The following SPAM1 variants were observed in gnomAD, a reference collection of about 807,000 sequenced individuals.
The protein encoded by SPAM1 is sperm adhesion molecule 1, also known as hyaluronidase PH-20.
In SPAM1, 22 loss-of-function variants were observed where a neutral mutation model predicts 29.6. That is an observed-to-expected ratio of 0.74 (90% CI 0.53 to 1.06). The LOEUF is 1.06. Among genes scored for constraint, SPAM1 ranks in the 50% least tolerant of loss-of-function variants. The pLI is 0.00. For missense variants in SPAM1, 534 were observed against 604.0 expected (o/e 0.88, Z 1.21); for synonymous variants, 194 against 204.6 (o/e 0.95, Z 0.44).
chr7:123,968,398 T>C (rs960356), intron 5 of SPAM1, among the ~76,000 whole-genome samples: 30,969 of 151,994 alleles, frequency 0.2, 4,029 homozygotes, highest in African/African-American at 0.37. Flanking sequence ...GGAGAATTGC[T>C]TTTGGTGCCT....
At chr7:123,963,178 A>G (rs972345052), downstream of SPAM1, among the ~76,000 whole-genome samples, 26 of 151,882 alleles carry the variant, frequency 1.7e-4, no homozygotes, top group African/African-American at 6.0e-4. Context: ...ATTATCTTTC[A>G]AAAAATTTTG....
At chr7:123,942,597 G>T (rs1328956080) in intron 1 of SPAM1, among the ~76,000 whole-genome samples, 1 of 152,106 alleles carries the variant, frequency 6.6e-6, no homozygotes, top group South Asian at 2.1e-4. Flanking sequence ...AGGATTCTCA[G>T]ATTTGACTTT....
intron 1 of SPAM1, among the ~76,000 whole-genome samples, chr7:123,935,783 A>G (rs145502797): frequency 6.6e-6 from 1 of 152,342 alleles, no homozygotes; most frequent in African/African-American, 2.4e-5. Flanking sequence ...ACATACACAT[A>G]CAAATATATA....
At chr7:123,960,682 C>A (rs530885876), downstream of SPAM1, among the ~76,000 whole-genome samples, 3 of 151,786 alleles carry the variant, frequency 2.0e-5, no homozygotes, top group Non-Finnish European at 4.4e-5. Flanking sequence ...TTTCCCCATA[C>A]CCCCCTAGAA....
chr7:123,925,771 G>C (rs189902745), intron 1 of SPAM1: 1 of 151,668 alleles, frequency 6.6e-6, no homozygotes, highest in African/African-American at 2.4e-5. Flanking sequence ...TGGAGGGATT[G>C]GTTAATAAGA....
intron 5 of SPAM1, among the ~76,000 whole-genome samples, chr7:123,965,253 C>G (rs1389777706): frequency 1.3e-5 from 2 of 151,886 alleles, no homozygotes; most frequent in African/African-American, 2.4e-5. Context: ...CACAAGGGAA[C>G]TAGTTCCTAT....
chr7:123,947,152 ATTTTT>A (rs1808602129), intron 1 of SPAM1, among the ~76,000 whole-genome samples: 1 of 152,072 alleles, frequency 6.6e-6, no homozygotes, highest in South Asian at 2.1e-4. Context: ...AGGAGAAATT[ATTTTT>A]CTTTTATAAT....
At chr7:123,931,638 C>T (rs923558391) in intron 1 of SPAM1, among the ~76,000 whole-genome samples, 4 of 152,176 alleles carry the variant, frequency 2.6e-5, no homozygotes, top group Admixed American at 2.0e-4. Flanking sequence ...ATTCTGAAGG[C>T]TCCTGTATAT....
chr7:123,941,059 A>G (rs1563024321), intron 1 of SPAM1, among the ~76,000 whole-genome samples: 1 of 152,212 alleles, frequency 6.6e-6, no homozygotes, highest in Non-Finnish European at 1.5e-5. Context: ...TCTATGTTTC[A>G]AAAGAGTAAT....
intron 1 of SPAM1, among the ~76,000 whole-genome samples, chr7:123,943,724 T>C (rs1808495217): frequency 6.6e-6 from 1 of 152,104 alleles, no homozygotes; most frequent in Admixed American, 6.6e-5. Flanking sequence ...ATATAAAATG[T>C]TTAGAACCCT....
At chr7:123,954,932 G>C in intron 3 of SPAM1, 65 bp from the exon 4 acceptor site, 1 of 1,023,014 alleles carries the variant, frequency 9.8e-7, no homozygotes, top group Non-Finnish European at 1.5e-6. Flanking sequence ...CTTTTGCGTT[G>C]CTGTCCTATG....
intron 1 of SPAM1, among the ~76,000 whole-genome samples, chr7:123,944,843 A>C (rs966455619): frequency 2.6e-5 from 4 of 152,182 alleles, no homozygotes; most frequent in African/African-American, 9.7e-5. Flanking sequence ...GACACAGTAA[A>C]AGTTGAACTT....
intron 1 of SPAM1, 31 bp downstream of exon 1, chr7:123,925,383 G>T (rs1807845904): frequency 6.6e-6 from 1 of 152,142 alleles, no homozygotes; most frequent in Admixed American, 6.5e-5. Context: ...TAAAAATCTT[G>T]ATGTATACCT....
At chr7:123,930,507 T>G (rs375097608) in intron 1 of SPAM1, among the ~76,000 whole-genome samples, 1 of 152,278 alleles carries the variant, frequency 6.6e-6, no homozygotes, top group Admixed American at 6.5e-5. Context: ...TTGTCACACA[T>G]GAAAAGACTC....
At chr7:123,969,195 G>A (rs917744562) in intron 5 of SPAM1, among the ~76,000 whole-genome samples, 4 of 151,956 alleles carry the variant, frequency 2.6e-5, no homozygotes, top group Non-Finnish European at 4.4e-5. Flanking sequence ...TTAGTCCCTA[G>A]CCAGATGAAC....
intron 4 of SPAM1, among the ~76,000 whole-genome samples, chr7:123,955,936 T>C (rs1792240619): frequency 1.3e-5 from 2 of 151,934 alleles, no homozygotes; most frequent in African/African-American, 4.8e-5. Flanking sequence ...TTTTTATTAG[T>C]TGTTTCCCCA....
intron 1 of SPAM1, among the ~76,000 whole-genome samples, chr7:123,933,642 C>T (rs1026277550): frequency 2.0e-5 from 3 of 152,130 alleles, no homozygotes; most frequent in African/African-American, 7.2e-5. Context: ...AGAATGTTCT[C>T]TTCTTATGAG....
At chr7:123,962,689 T>A (rs780836551), downstream of SPAM1, among the ~76,000 whole-genome samples, 1 of 151,922 alleles carries the variant, frequency 6.6e-6, no homozygotes, top group African/African-American at 2.4e-5. Flanking sequence ...TTGTAAAATT[T>A]TTTTTTATTC....
chr7:123,953,385 AAAAC>A lies in SPAM1; in HGVS notation c.-183_-180del. 1.3e-5 allele frequency: 6 copies of A among 469,050 alleles called. No individual in the cohort carries two copies. The highest frequency in any genetic ancestry group is 1.9e-5 in the Non-Finnish European group (5 of 270,014). The allele number at this position is 469,050 out of a possible 1,614,324, so 29.1% of individuals were successfully genotyped here. On this transcript the variant is annotated 5_prime_UTR_variant, in exon 3 of 5. It removes the in-frame stop codon of an upstream open reading frame in the 5' UTR. Transcript: ENST00000682466. ...TTCAGTTATAGGTGATGCAACTTGA[AAAAC>A]AATCCTGAAACATGAAACAAGAATA... is the stretch of plus-strand genomic sequence containing the variant.
Sources: gnomAD v4.1 joint callset for allele counts (sites outside exome capture counted in the v4.1 genomes callset) on GRCh38, gnomAD v4.1.1 for gene constraint, MANE v1.5 for transcripts, NCBI Gene and HGNC (gene_info 2026-07-23, HGNC 2026-07-21) for gene names.